FBXL17: variants seen among roughly 807,000 people sequenced by gnomAD.
The protein encoded by FBXL17 is F-box/LRR-repeat protein 17.
A neutral mutation model predicts 66.2 loss-of-function variants in FBXL17; 22 were observed. The ratio of observed to expected loss-of-function variants is 0.33; its 90% CI spans 0.24 to 0.47. The LOEUF is 0.47. FBXL17 is among the 20% of genes least tolerant of loss of function. FBXL17 has a pLI of 1.00. For synonymous variants in FBXL17, 474 were observed against 400.5 expected (o/e 1.18, Z -2.19); for missense variants, 878 against 948.2 (o/e 0.93, Z 0.97).
intron 7 of FBXL17, among the ~76,000 whole-genome samples, chr5:107,988,916 T>C (rs1344180577): frequency 2.0e-5 from 3 of 152,096 alleles, no homozygotes; most frequent in African/African-American, 7.2e-5. Flanking sequence ...TTGTACCTGA[T>C]AATGAAAGGC....
At chr5:108,341,726 A>C (rs192087971) in intron 4 of FBXL17, among the ~76,000 whole-genome samples, 48 of 152,216 alleles carry the variant, frequency 3.2e-4, no homozygotes, top group African/African-American at 1.0e-3. Flanking sequence ...CCAAATATGA[A>C]TACTTCCCTA....
At chr5:107,936,946 C>T (rs1466344700) in intron 7 of FBXL17, among the ~76,000 whole-genome samples, 2 of 151,482 alleles carry the variant, frequency 1.3e-5, no homozygotes, top group Non-Finnish European at 2.9e-5. Context: ...AGGAGTTTCA[C>T]TAGTAGTATA....
intron 7 of FBXL17, among the ~76,000 whole-genome samples, chr5:107,980,239 C>T (rs1206475242): frequency 6.6e-6 from 1 of 151,728 alleles, no homozygotes; most frequent in African/African-American, 2.4e-5. Flanking sequence ...TTATTATGAA[C>T]AAAATGATAA....
intron 6 of FBXL17, among the ~76,000 whole-genome samples, chr5:108,114,782 T>C (rs1428007242): frequency 6.6e-6 from 1 of 152,174 alleles, no homozygotes; most frequent in East Asian, 1.9e-4. Flanking sequence ...CACATTTAAA[T>C]TCTTAGGGTG....
chr5:108,009,338 T>C, intron 7 of FBXL17, among the ~76,000 whole-genome samples: 1 of 123,602 alleles, frequency 8.1e-6, no homozygotes, highest in Non-Finnish European at 1.7e-5. Context: ...CTTTTGTTTT[T>C]CATATATATA....
chr5:108,086,496 TAAATA>T (rs1445739135), intron 6 of FBXL17, among the ~76,000 whole-genome samples: 13 of 152,224 alleles, frequency 8.5e-5, no homozygotes, highest in South Asian at 2.1e-4. Flanking sequence ...AAGCATTAAT[TAAATA>T]AATTTGTTTT....
At chr5:108,204,907 T>C (rs1268318986) in intron 5 of FBXL17, among the ~76,000 whole-genome samples, 1 of 151,800 alleles carries the variant, frequency 6.6e-6, no homozygotes. Flanking sequence ...ATTATCAATA[T>C]TTTGCATTTT....
chr5:107,886,171 G>A (rs550965362), intron 7 of FBXL17, among the ~76,000 whole-genome samples: 23 of 152,274 alleles, frequency 1.5e-4, no homozygotes, highest in African/African-American at 5.5e-4. Context: ...TTTGTCACAG[G>A]AGTATGAGTT....
chr5:107,868,562 C>T (rs547430871), intron 8 of FBXL17, among the ~76,000 whole-genome samples: 23 of 152,324 alleles, frequency 1.5e-4, no homozygotes, highest in African/African-American at 5.1e-4. Flanking sequence ...CGTCTCTCAC[C>T]CATAAAAACA....
chr5:108,080,510 G>T (rs967093171), intron 6 of FBXL17, among the ~76,000 whole-genome samples: 2 of 152,190 alleles, frequency 1.3e-5, no homozygotes, highest in Admixed American at 1.3e-4. Context: ...ATATTTGAAG[G>T]AATATATTTT....
At chr5:108,099,920 C>G (rs1580439951) in intron 6 of FBXL17, among the ~76,000 whole-genome samples, 1 of 152,104 alleles carries the variant, frequency 6.6e-6, no homozygotes, top group East Asian at 1.9e-4. Context: ...AGAATCCAAC[C>G]ATTTTCTTGA....
chr5:108,215,128 T>A (rs1036064334), intron 5 of FBXL17, among the ~76,000 whole-genome samples: 6 of 152,208 alleles, frequency 3.9e-5, no homozygotes, highest in Non-Finnish European at 7.3e-5. Flanking sequence ...GGCATTTACA[T>A]TGTTTCCACA....
At chr5:108,188,132 G>A (rs903411325) in intron 5 of FBXL17, among the ~76,000 whole-genome samples, 4 of 152,054 alleles carry the variant, frequency 2.6e-5, no homozygotes, top group Non-Finnish European at 5.9e-5. Flanking sequence ...TGGTCATTGG[G>A]AGGGTAGGAG....
intron 7 of FBXL17, among the ~76,000 whole-genome samples, chr5:108,005,564 A>T (rs934056506): frequency 6.6e-6 from 1 of 152,186 alleles, no homozygotes; most frequent in African/African-American, 2.4e-5. Flanking sequence ...TTCCCATGAA[A>T]ATCTGACCTT....
chr5:107,972,237 A>T (rs1166960543), intron 7 of FBXL17, among the ~76,000 whole-genome samples: 2 of 152,232 alleles, frequency 1.3e-5, no homozygotes, highest in Non-Finnish European at 2.9e-5. Context: ...ATTTACAGAG[A>T]GGCAAACAGT....
chr5:108,001,076 A>C (rs1753702692), intron 7 of FBXL17, among the ~76,000 whole-genome samples: 1 of 152,332 alleles, frequency 6.6e-6, no homozygotes, highest in African/African-American at 2.4e-5. Context: ...GCAACTAATA[A>C]TACTAAAATG....
chr5:108,016,651 G>A (rs892335758), intron 7 of FBXL17, among the ~76,000 whole-genome samples: 6 of 152,084 alleles, frequency 3.9e-5, no homozygotes, highest in Non-Finnish European at 8.8e-5. Context: ...AGTGCTGTGC[G>A]GCCCAAGAGA....
At chr5:108,019,652 T>TACAC (rs1040561303) in intron 7 of FBXL17, among the ~76,000 whole-genome samples, 1 of 150,692 alleles carries the variant, frequency 6.6e-6, no homozygotes, top group Non-Finnish European at 1.5e-5. Flanking sequence ...AATACACACA[T>TACAC]ACACACACAC....
intron 8 of FBXL17, among the ~76,000 whole-genome samples, chr5:107,863,751 A>G (rs1264866617): frequency 2.6e-5 from 4 of 152,252 alleles, no homozygotes; most frequent in Non-Finnish European, 5.9e-5. Flanking sequence ...AGGCAAAGCC[A>G]GACACTAACA....
Sources: allele counts gnomAD v4.1 joint callset (sites outside exome capture counted in the v4.1 genomes callset), GRCh38; gene constraint gnomAD v4.1.1; transcripts MANE v1.5; gene names NCBI Gene and HGNC (gene_info 2026-07-23, HGNC 2026-07-21).